Variants in TANGO6 observed in about 807,000 individuals in gnomAD.
The protein encoded by TANGO6 is transport and Golgi organization protein 6 homolog.
A neutral mutation model predicts 114.2 loss-of-function variants in TANGO6; 90 were observed. That is an observed-to-expected ratio of 0.79 (90% CI 0.66 to 0.94). The LOEUF (loss-of-function observed/expected upper bound fraction) is 0.94. Among genes scored for constraint, TANGO6 ranks in the 40% least tolerant of loss-of-function variants. The pLI, the probability that TANGO6 is intolerant of heterozygous loss-of-function variation, is 0.00. For synonymous variants in TANGO6, 477 were observed against 509.8 expected (o/e 0.94, Z 0.87); for missense variants, 1,274 against 1,315.3 (o/e 0.97, Z 0.49).
intron 14 of TANGO6, among the ~76,000 whole-genome samples, chr16:68,960,729 C>T (rs1335361971): frequency 6.6e-6 from 1 of 152,070 alleles, no homozygotes; most frequent in African/African-American, 2.4e-5. Flanking sequence ...AAACTCCTGG[C>T]TTCAAGTGAT....
chr16:68,881,975 G>A (rs923162495), intron 7 of TANGO6, among the ~76,000 whole-genome samples: 5 of 151,786 alleles, frequency 3.3e-5, no homozygotes, highest in Non-Finnish European at 7.4e-5. Context: ...AGTGAGACCC[G>A]AGCTCTATAA....
At position 68,940,092 on chromosome 16, in the gene TANGO6, CTCCT is replaced by C. The variant is rs1963336634; in HGVS notation, c.2701+9808_2701+9811del. Among the ~76,000 whole-genome samples the C allele has an allele frequency of 3.4e-5, 5 of 148,878 alleles. No homozygotes were observed. In the South Asian group the frequency reaches 1.1e-3, roughly 32 times the overall value. On this transcript the variant is annotated intron_variant, in intron 14 of 17. Coordinates refer to ENST00000261778, the MANE Select transcript of TANGO6 (RefSeq NM_024562.2). Reference sequence around the variant, plus strand: ...TCCCTTCTTTCCTTTCTCTCTCTCTCTCCTTCCTTCCTTCTTTTCCTTCTTTCTT... The same window carrying C: ...TCCCTTCTTTCCTTTCTCTCTCTCTCTCCTTCCTTCTTTTCCTTCTTTCTT...
intron 16 of TANGO6, among the ~76,000 whole-genome samples, chr16:69,027,842 G>A (rs1036930936): frequency 2.6e-5 from 4 of 151,102 alleles, no homozygotes; most frequent in Non-Finnish European, 4.4e-5. Flanking sequence ...GTACAATGGC[G>A]TGATCTCGGA....
At chr16:69,021,890 T>C (rs867009660) in intron 15 of TANGO6, among the ~76,000 whole-genome samples, 6 of 150,242 alleles carry the variant, frequency 4.0e-5, no homozygotes, top group Admixed American at 6.6e-5. Flanking sequence ...TTTTTTCTTT[T>C]TTTTTTTTTT....
At chr16:69,082,957 G>A (rs1960487893) in intron 17 of TANGO6, among the ~76,000 whole-genome samples, 1 of 152,100 alleles carries the variant, frequency 6.6e-6, no homozygotes, top group Admixed American at 6.6e-5. Flanking sequence ...TGGCCTGGGA[G>A]TAAAGGGGAG....
chr16:69,072,095 T>C (rs1174188306), intron 17 of TANGO6, among the ~76,000 whole-genome samples: 1 of 143,444 alleles, frequency 7.0e-6, no homozygotes, highest in Non-Finnish European at 1.5e-5. Flanking sequence ...TGTGTGTGTG[T>C]GTGTATGTGT....
At position 68,884,878 on chromosome 16, in the gene TANGO6, CT is replaced by C. The variant is rs565875400; in HGVS notation, c.1377+4249del. ...AACAGTTTGGCGAATTTAAAGCCCCCTGGAGAGGCAAGCAAACCATTAGTTT... is the reference window on the plus strand; with the variant it reads ...AACAGTTTGGCGAATTTAAAGCCCCCGGAGAGGCAAGCAAACCATTAGTTT... On this transcript the variant is annotated intron_variant, in intron 7 of 17. Transcript: ENST00000261778. Among the ~76,000 whole-genome samples the C allele has an allele frequency of 2.0e-5, 3 of 152,272 alleles. No individual in the cohort carries two copies. The East Asian group carries it at 5.8e-4, about 29-fold the overall frequency.
chr16:68,993,649 T>A (rs1442656050), intron 15 of TANGO6, among the ~76,000 whole-genome samples: 1 of 152,256 alleles, frequency 6.6e-6, no homozygotes, highest in Admixed American at 6.5e-5. Context: ...TCCTGATTTG[T>A]GTTTGTCAAT....
At chr16:68,984,472 A>G (rs1310077680) in intron 15 of TANGO6, among the ~76,000 whole-genome samples, 1 of 152,030 alleles carries the variant, frequency 6.6e-6, no homozygotes, top group East Asian at 1.9e-4. Context: ...TAATAAGGGG[A>G]AGGGAAAAGT....
intron 15 of TANGO6, among the ~76,000 whole-genome samples, chr16:68,978,604 C>G (rs555311861): frequency 9.2e-5 from 14 of 152,218 alleles, no homozygotes; most frequent in Admixed American, 5.9e-4. Flanking sequence ...TCTTTGTTTT[C>G]TAGTGTTGTG....
chr16:68,883,385 C>T (rs1962492230), intron 7 of TANGO6, among the ~76,000 whole-genome samples: 1 of 152,032 alleles, frequency 6.6e-6, no homozygotes, highest in South Asian at 2.1e-4. Flanking sequence ...TATTGTGTAC[C>T]TTTCATATAA....
chr16:68,980,383 T>TCTCTCTC (rs1555526453), intron 15 of TANGO6, among the ~76,000 whole-genome samples: 1,652 of 36,544 alleles, frequency 0.045, 73 homozygotes, highest in Non-Finnish European at 0.065. Context: ...CTGTCTGTCA[T>TCTCTCTC]TCTCTCTCTC....
chr16:69,060,295 G>C (rs992612032), intron 17 of TANGO6, among the ~76,000 whole-genome samples: 1 of 152,136 alleles, frequency 6.6e-6, no homozygotes, highest in Non-Finnish European at 1.5e-5. Context: ...TAGGACTACA[G>C]GTGTGAGCCA....
At chr16:68,864,030 C>T (rs760718738) in intron 3 of TANGO6, among the ~76,000 whole-genome samples, 7 of 151,478 alleles carry the variant, frequency 4.6e-5, no homozygotes, top group Non-Finnish European at 7.4e-5. Flanking sequence ...CAAAATTAGC[C>T]GGGCATGGTG....
At chr16:69,065,271 C>A (rs1288103615) in intron 17 of TANGO6, among the ~76,000 whole-genome samples, 1 of 152,212 alleles carries the variant, frequency 6.6e-6, no homozygotes, top group Non-Finnish European at 1.5e-5. Flanking sequence ...GGGCAGCATG[C>A]CTCAGCATAA....
chr16:68,971,960 A>G (rs1199806361), intron 14 of TANGO6, among the ~76,000 whole-genome samples: 4 of 152,138 alleles, frequency 2.6e-5, no homozygotes, highest in Admixed American at 1.3e-4. Flanking sequence ...CTATGCTACA[A>G]TATTCCATAA....
chr16:68,904,434 G>A (rs1021692692), intron 9 of TANGO6, among the ~76,000 whole-genome samples: 2 of 152,200 alleles, frequency 1.3e-5, no homozygotes, highest in South Asian at 4.2e-4. Flanking sequence ...GAAGATTCTG[G>A]GATAATACAG....
intron 1 of TANGO6, among the ~76,000 whole-genome samples, chr16:68,856,465 T>A (rs1177479736): frequency 1.3e-5 from 2 of 152,246 alleles, no homozygotes; most frequent in Non-Finnish European, 2.9e-5. Context: ...TATTATTCTT[T>A]TCTATATCAC....
At chr16:68,866,629 CA>C (rs58469159) in intron 3 of TANGO6, among the ~76,000 whole-genome samples, 13,653 of 104,728 alleles carry the variant, frequency 0.13, 708 homozygotes, top group Middle Eastern at 0.2. Context: ...GACTCCGTCT[CA>C]AAAAAAAAAA....
Sources: gnomAD v4.1 joint callset for allele counts (sites outside exome capture counted in the v4.1 genomes callset) on GRCh38, gnomAD v4.1.1 for gene constraint, MANE v1.5 for transcripts, NCBI Gene and HGNC (gene_info 2026-07-23, HGNC 2026-07-21) for gene names.